The following CD109 variants were observed in gnomAD, a reference collection of about 807,000 sequenced individuals.
CD109 encodes the protein CD109 molecule, also known as CD109 antigen.
In CD109, 149 loss-of-function variants were observed where a neutral mutation model predicts 165.8. The observed-to-expected ratio is 0.90, with a 90% CI of 0.79 to 1.03. CD109 has a LOEUF of 1.03. CD109 is among the 50% of genes least tolerant of loss of function. The pLI, the probability that CD109 is intolerant of heterozygous loss-of-function variation, is 0.00. For missense variants in CD109, 1,712 were observed against 1,677.8 expected, an observed-to-expected ratio of 1.02 and a Z score of -0.36; for synonymous variants, 585 against 592.1, an observed-to-expected ratio of 0.99 and a Z score of 0.18.
At chr6:73,783,326 CAAAT>C (rs904510242) in intron 18 of CD109, among the ~76,000 whole-genome samples, 1 of 152,002 alleles carries the variant, frequency 6.6e-6, no homozygotes, top group African/African-American at 2.4e-5. Context: ...CTCAAGGAAA[CAAAT>C]AACAGCATTG....
At chr6:73,781,696 G>T (rs1774505747) in intron 17 of CD109, among the ~76,000 whole-genome samples, 1 of 151,542 alleles carries the variant, frequency 6.6e-6, no homozygotes, top group African/African-American at 2.4e-5. Context: ...CCAGCTTTTT[G>T]ATGTTCACCT....
intron 3 of CD109, among the ~76,000 whole-genome samples, chr6:73,725,013 A>C (rs1428473362): frequency 1.3e-5 from 2 of 152,204 alleles, no homozygotes; most frequent in Non-Finnish European, 2.9e-5. Flanking sequence ...AAAATTACTT[A>C]GTATGCTATA....
At chr6:73,687,768 T>C in the CD109 span, among the ~76,000 whole-genome samples, 1 of 152,154 alleles carries the variant, frequency 6.6e-6, no homozygotes, top group Admixed American at 6.5e-5. Flanking sequence ...AACAGGGACC[T>C]AAAATGTGCT....
At chr6:73,822,718 G>A (rs1776142209) in intron 32 of CD109, among the ~76,000 whole-genome samples, 1 of 152,072 alleles carries the variant, frequency 6.6e-6, no homozygotes, top group South Asian at 2.1e-4. Flanking sequence ...TTACTTATGA[G>A]GAGGCCATTT....
In CD109 at chr6:73,766,099, G is replaced by A. The variant is rs780759595; in HGVS notation, c.1277G>A (p.Gly426Glu). Residue 426 changes from glycine (G) to glutamate (E), a missense_variant, in exon 11 of 33, where the codon GGA becomes GAA. Physicochemically the swap from Gly to Glu is moderately conservative, Grantham distance 98. Coordinates refer to ENST00000287097, the MANE Select transcript of CD109 (RefSeq NM_133493.5). ...QKINYTVPQS[G>E]TFKIEFPILE... ...ATAAATTATACTGTCCCCCAAAGTG[G>A]AACTTTTAAGATTGAATTCCCAATC... is the stretch of plus-strand genomic sequence containing the variant. The A allele has an allele frequency of 2.3e-5, 37 of 1,613,974 alleles. No individual in the cohort carries two copies. The highest frequency in any genetic ancestry group is 3.1e-5 in the Non-Finnish European group (36 of 1,179,990).
chr6:73,823,360 A>G (rs1193159568), intron 32 of CD109, 98 bp from the exon 33 acceptor site: 7 of 907,036 alleles, frequency 7.7e-6, no homozygotes, highest in Non-Finnish European at 1.2e-5. Context: ...TAAGAATGGA[A>G]AACTCAGAAA....
intron 5 of CD109, among the ~76,000 whole-genome samples, chr6:73,741,366 G>T (rs553021980): frequency 2.6e-5 from 4 of 152,142 alleles, no homozygotes; most frequent in African/African-American, 9.6e-5. Flanking sequence ...TCATTTCTTT[G>T]TCTAGAGCAC....
intron 15 of CD109, among the ~76,000 whole-genome samples, chr6:73,778,180 G>A (rs1774332479): frequency 6.6e-6 from 1 of 152,150 alleles, no homozygotes; most frequent in Non-Finnish European, 1.5e-5. Context: ...TTGTGAATGG[G>A]AGTTTATTTC....
At chr6:73,742,909 T>A (rs1204030353) in intron 5 of CD109, among the ~76,000 whole-genome samples, 1 of 152,224 alleles carries the variant, frequency 6.6e-6, no homozygotes, top group Non-Finnish European at 1.5e-5. Context: ...AAGGAAATTC[T>A]ACTAGTTTTT....
At chr6:73,782,498 C>G in intron 17 of CD109, 116 bp from the exon 18 acceptor site, 1 of 964,416 alleles carries the variant, frequency 1.0e-6, no homozygotes, top group Non-Finnish European at 1.5e-6. Flanking sequence ...GATACTCTCA[C>G]TGGCACATTA....
chr6:73,686,057 T>A, the CD109 span, among the ~76,000 whole-genome samples: 5 of 152,348 alleles, frequency 3.3e-5, no homozygotes, highest in East Asian at 9.6e-4. Flanking sequence ...AGCTGTGGGC[T>A]TTTCTCTCTC....
intron 2 of CD109, among the ~76,000 whole-genome samples, chr6:73,705,295 T>C (rs997129978): frequency 1.3e-5 from 2 of 152,032 alleles, no homozygotes; most frequent in African/African-American, 2.4e-5. Context: ...ACAGAGCTCA[T>C]GGAAAGAACA....
chr6:73,801,578 TAAATC>T (rs934409986), intron 23 of CD109, among the ~76,000 whole-genome samples: 3 of 152,344 alleles, frequency 2.0e-5, no homozygotes, highest in South Asian at 4.1e-4. Context: ...TATTGTAACT[TAAATC>T]AGATACTTAA....
Position 73,827,513 on chromosome 6 carries a change from G to A in CD109, c.*3880G>A, listed in dbSNP as rs964694515. 2.6e-5 allele frequency: 4 copies of A among 152,078 alleles called. No homozygotes were observed. The highest frequency in any genetic ancestry group is 2.1e-4 in the South Asian group (1 of 4,828). 9.4% of individuals were successfully genotyped at this position (152,078 alleles called of 1,614,324 possible). ...TTAAATATCTTATGTTACACTGGGA[G>A]TAATTTGAGGTGCAATTATTTTTAT... is the stretch of plus-strand genomic sequence containing the variant. On this transcript the variant is annotated 3_prime_UTR_variant, in exon 33 of 33. Coordinates refer to ENST00000287097, the MANE Select transcript of CD109 (RefSeq NM_133493.5).
chr6:73,781,445 C>A, intron 17 of CD109, 126 bp downstream of exon 17: 2 of 785,954 alleles, frequency 2.5e-6, no homozygotes, highest in Non-Finnish European at 4.1e-6. Flanking sequence ...TTCTCTTCTC[C>A]CAAAATGTTT....
rs912604671 is a variant in CD109, at chr6:73,697,264, A to G, written c.75-136A>G. The G allele has an allele frequency of 2.9e-5, 19 of 663,500 alleles. 1 individual carries two copies. In the South Asian group the frequency reaches 3.3e-4, roughly 12 times the overall value. The allele number at this position is 663,500 out of a possible 1,614,324, so 41.1% of individuals were successfully genotyped here. Reference sequence around the variant, plus strand: ...TTTCAATTCAGTTGCCAAATAGAGCAGTGGGCAATGTTAACGGAAACAACT... The same window carrying G: ...TTTCAATTCAGTTGCCAAATAGAGCGGTGGGCAATGTTAACGGAAACAACT... On this transcript the variant is annotated intron_variant, in intron 1 of 32. Transcript: ENST00000287097.
In CD109 at chr6:73,702,572, G is replaced by T. The variant is rs188324276; in HGVS notation, c.247+5000G>T. ...ACACATCGTCTTTGTTCTTGTGTGT[G>T]ATGTATATTAACAGGTAGGTGGTAC... On this transcript the variant is annotated intron_variant, in intron 2 of 32. Coordinates refer to ENST00000287097, the MANE Select transcript of CD109 (RefSeq NM_133493.5). 3.9e-5 allele frequency among the ~76,000 whole-genome samples: 6 copies of T among 152,276 alleles called. No homozygotes were observed. In the South Asian group the frequency reaches 8.3e-4, roughly 21 times the overall value.
At chr6:73,757,678 A>G (rs1201300387) in intron 6 of CD109, among the ~76,000 whole-genome samples, 2 of 152,228 alleles carry the variant, frequency 1.3e-5, no homozygotes, top group African/African-American at 4.8e-5. Context: ...GTACAAGAAA[A>G]ATGAAAGAAA....
At chr6:73,766,708 C>A in intron 11 of CD109, 51 bp from the exon 12 acceptor site, 1 of 1,288,648 alleles carries the variant, frequency 7.8e-7, no homozygotes, top group Non-Finnish European at 1.1e-6. Flanking sequence ...CATCTTTTCT[C>A]AAGGTGTTAC....
Sources: allele counts gnomAD v4.1 joint callset (sites outside exome capture counted in the v4.1 genomes callset), GRCh38; gene constraint gnomAD v4.1.1; transcripts MANE v1.5; gene names NCBI Gene and HGNC (gene_info 2026-07-23, HGNC 2026-07-21).